Variants in CLDN10 observed in about 807,000 individuals in gnomAD.
CLDN10 encodes the protein claudin 10.
In CLDN10, 15 loss-of-function variants were observed where a neutral mutation model predicts 22.9. The ratio of observed to expected loss-of-function variants is 0.65; its 90% confidence interval spans 0.44 to 1.01. CLDN10 has a LOEUF of 1.01. Ranked by LOEUF, CLDN10 falls within the 50% of genes least tolerant of loss-of-function variation. The pLI is 0.00. For missense variants in CLDN10, 247 were observed against 287.8 expected, an observed-to-expected ratio of 0.86 and a Z score of 1.03; for synonymous variants, 114 against 111.4, an observed-to-expected ratio of 1.02 and a Z score of -0.15.
At chr13:95,472,116 T>C (rs2042639531) in intron 1 of CLDN10, among the ~76,000 whole-genome samples, 1 of 152,078 alleles carries the variant, frequency 6.6e-6, no homozygotes, top group Non-Finnish European at 1.5e-5. Flanking sequence ...GAAGAAATTA[T>C]TTCCCAGCCT....
At chr13:95,464,479 A>G (rs71433023) in intron 1 of CLDN10, among the ~76,000 whole-genome samples, 45,649 of 152,058 alleles carry the variant, frequency 0.3, 8,409 homozygotes, top group Non-Finnish European at 0.41. Flanking sequence ...TATGTGCCAC[A>G]CTTTCTTAAT....
intron 1 of CLDN10, among the ~76,000 whole-genome samples, chr13:95,555,388 C>T (rs1311192305): frequency 6.6e-6 from 1 of 152,116 alleles, no homozygotes; most frequent in African/African-American, 2.4e-5. Context: ...TTGCCGTGGT[C>T]AAAATCACTG....
At chr13:95,538,294 C>A (rs552108580) in intron 1 of CLDN10, among the ~76,000 whole-genome samples, 1 of 151,646 alleles carries the variant, frequency 6.6e-6, no homozygotes, top group South Asian at 2.1e-4. Flanking sequence ...CCCACCACCA[C>A]GCCTGGCTAG....
At chr13:95,541,585 A>G (rs1566326688) in intron 1 of CLDN10, among the ~76,000 whole-genome samples, 1 of 151,938 alleles carries the variant, frequency 6.6e-6, no homozygotes, top group African/African-American at 2.4e-5. Flanking sequence ...CTCCCATTGC[A>G]TTTTTTATTA....
intron 1 of CLDN10, among the ~76,000 whole-genome samples, chr13:95,518,246 C>G (rs754802665): frequency 2.0e-5 from 3 of 152,194 alleles, no homozygotes; most frequent in Non-Finnish European, 4.4e-5. Context: ...AGTCGTTATT[C>G]TTTTTTATTA....
intron 1 of CLDN10, among the ~76,000 whole-genome samples, chr13:95,474,329 C>T (rs759054884): frequency 5.9e-5 from 9 of 152,116 alleles, no homozygotes; most frequent in South Asian, 2.1e-4. Flanking sequence ...TGACAGGAGG[C>T]GGAGCTCAGG....
intron 1 of CLDN10, among the ~76,000 whole-genome samples, chr13:95,472,817 C>T (rs572371671): frequency 1.3e-5 from 2 of 151,960 alleles, no homozygotes; most frequent in African/African-American, 2.4e-5. Flanking sequence ...CAGAGTTCCA[C>T]TTGGATGTCC....
At chr13:95,569,661 C>T (rs979352238) in intron 3 of CLDN10, among the ~76,000 whole-genome samples, 2 of 152,194 alleles carry the variant, frequency 1.3e-5, no homozygotes, top group African/African-American at 4.8e-5. Flanking sequence ...TCACCTCTGT[C>T]ATAGCATTGA....
intron 1 of CLDN10, among the ~76,000 whole-genome samples, chr13:95,503,470 C>T (rs753814168): frequency 6.6e-6 from 1 of 152,136 alleles, no homozygotes; most frequent in African/African-American, 2.4e-5. Flanking sequence ...ACCGTATGAT[C>T]TAGAAATTCC....
chr13:95,503,103 A>G (rs1298431974), intron 1 of CLDN10, among the ~76,000 whole-genome samples: 4 of 152,188 alleles, frequency 2.6e-5, no homozygotes, highest in Non-Finnish European at 4.4e-5. Context: ...GGATTCACAG[A>G]TGGAGTCTGT....
At chr13:95,451,032 A>C (rs1274958975) in intron 1 of CLDN10, among the ~76,000 whole-genome samples, 1 of 152,186 alleles carries the variant, frequency 6.6e-6, no homozygotes, top group African/African-American at 2.4e-5. Flanking sequence ...AGGTAACTAC[A>C]CAGAGCTTGG....
At position 95,439,351 on chromosome 13, in the gene CLDN10, AT is replaced by A. The variant is rs371861667; in HGVS notation, c.214+5315del. On this transcript the variant is annotated intron_variant, in intron 1 of 4. Transcript: ENST00000376873. Reference sequence around the variant, plus strand: ...GAGGCCTCTTTTTTATGTTATTATTATTTTTTTTTTTGAGACTGAGTCTTGT... The same window carrying A: ...GAGGCCTCTTTTTTATGTTATTATTATTTTTTTTTTGAGACTGAGTCTTGT... Among the ~76,000 whole-genome samples, 760 of 148,164 alleles carry A rather than the reference AT, an allele frequency of 5.1e-3. 6 individuals are homozygous for A. The highest frequency in any genetic ancestry group is 0.017 in the Middle Eastern group (5 of 286).
At chr13:95,508,647 T>C (rs960241009) in intron 1 of CLDN10, among the ~76,000 whole-genome samples, 4 of 152,246 alleles carry the variant, frequency 2.6e-5, no homozygotes, top group Non-Finnish European at 4.4e-5. Flanking sequence ...ACAGTCACCA[T>C]AGAAGCAGAG....
rs61736194 is a variant in CLDN10, at chr13:95,433,769, C to T, written c.-65C>T. 1,275 of 1,545,470 alleles carry T rather than the reference C, an allele frequency of 8.2e-4. 11 individuals are homozygous for T. The African/African-American group carries it at 0.015, about 18-fold the overall frequency. ...TGACGCTTGTCAAAGTGTTCTCTAT[C>T]GGCTGCATGCCTAGACCACCAAAGC... On this transcript the variant is annotated 5_prime_UTR_variant, in exon 1 of 5. Transcript: ENST00000376873.
intron 1 of CLDN10, among the ~76,000 whole-genome samples, chr13:95,474,745 G>A (rs1451175114): frequency 6.6e-6 from 1 of 152,198 alleles, no homozygotes; most frequent in Non-Finnish European, 1.5e-5. Context: ...GAAAAGGCAA[G>A]TAGAGATTGA....
At position 95,456,294 on chromosome 13, in the gene CLDN10, C is replaced by T. The variant is rs187133516; in HGVS notation, c.214+22247C>T. Among the ~76,000 whole-genome samples the T allele has an allele frequency of 5.1e-4, 78 of 152,282 alleles. 1 individual carries two copies. The highest frequency in any genetic ancestry group is 1.7e-3 in the African/African-American group (70 of 41,562). On this transcript the variant is annotated intron_variant, in intron 1 of 4. Transcript: ENST00000376873. ...AAATCTTAATTCTGGGTTCTGCCAA[C>T]GCTGCTTTCTTACCTATTCCTTGTC...
At position 95,463,535 on chromosome 13, in the gene CLDN10, G is replaced by A. The variant is rs944157272; in HGVS notation, c.214+29488G>A. Among the ~76,000 whole-genome samples, 18 of 151,028 alleles carry A rather than the reference G, an allele frequency of 1.2e-4. No homozygotes were observed. The East Asian group carries it at 2.9e-3, about 25-fold the overall frequency. On this transcript the variant is annotated intron_variant, in intron 1 of 4. Transcript: ENST00000376873. ...TTTTGTAGAGATGGGTTTTCGCCAT[G>A]CTGCTCAGGCTGGTCTTGAACTCCT...
At chr13:95,566,759 T>C (rs1308442443) in intron 3 of CLDN10, among the ~76,000 whole-genome samples, 1 of 152,188 alleles carries the variant, frequency 6.6e-6, no homozygotes, top group Admixed American at 6.5e-5. Flanking sequence ...TTTTATGTCT[T>C]ACATTTAATT....
chr13:95,536,710 G>A (rs539820074), intron 1 of CLDN10, among the ~76,000 whole-genome samples: 1 of 152,172 alleles, frequency 6.6e-6, no homozygotes. Flanking sequence ...GTTAATACTG[G>A]CTTTGCAATG....
Sources: allele counts gnomAD v4.1 joint callset (sites outside exome capture counted in the v4.1 genomes callset), GRCh38; gene constraint gnomAD v4.1.1; transcripts MANE v1.5; gene names NCBI Gene and HGNC (gene_info 2026-07-23, HGNC 2026-07-21).